CARD14: variants seen among roughly 807,000 people sequenced by gnomAD.
The protein encoded by CARD14 is caspase recruitment domain family member 14.
Under a neutral mutation model 111.5 loss-of-function variants are expected in CARD14, and 107 were observed. The observed-to-expected ratio is 0.96, with a 90% CI of 0.82 to 1.13. The LOEUF (loss-of-function observed/expected upper bound fraction) is 1.13, where lower values mean the gene tolerates loss of function less well. Among genes scored for constraint, CARD14 ranks in the 50% most tolerant of loss-of-function variants. The pLI, the probability that CARD14 is intolerant of heterozygous loss-of-function variation, is 0.00. For synonymous variants in CARD14, 617 were observed against 579.6 expected (o/e 1.06, Z -0.93); for missense variants, 1,322 against 1,362.3 (o/e 0.97, Z 0.47).
intron 20 of CARD14, chr17:80,204,816 G>A (rs1037456413): frequency 7.9e-6 from 4 of 508,314 alleles, no homozygotes; most frequent in African/African-American, 7.8e-5. Context: ...AGCAGTCCCT[G>A]GAGAGCCACA....
At chr17:80,183,052 G>A (rs2040223213) in intron 6 of CARD14, among the ~76,000 whole-genome samples, 1 of 152,212 alleles carries the variant, frequency 6.6e-6, no homozygotes, top group Non-Finnish European at 1.5e-5. Flanking sequence ...TGAGCGGTAG[G>A]GTGGGGAGAA....
chr17:80,202,761 C>T lies in CARD14; in HGVS notation c.2219+341C>T, dbSNP rs190128165. 1.3e-3 allele frequency: 510 copies of T among 383,706 alleles called. 3 individuals are homozygous for T. The highest frequency in any genetic ancestry group is 9.4e-3 in the African/African-American group (458 of 48,664). 23.8% of individuals were successfully genotyped at this position (383,706 alleles called of 1,614,324 possible). ...ATATAGAGCAGCATCCCTGGCCGCC[C>T]TACCCAGGATGCCGGGACTACTCCC... On this transcript the variant is annotated intron_variant, in intron 18 of 23. Coordinates refer to ENST00000648509, the MANE Select transcript of CARD14 (RefSeq NM_001366385.1).
Position 80,188,582 on chromosome 17 carries a change from C to T in CARD14, c.843+38C>T. On this transcript the variant is annotated intron_variant, in intron 8 of 23. Transcript: ENST00000648509. This position sits in a 1 kb window ranked among gnomAD's most constrained non-coding sequence, Gnocchi z 4.5. Reference sequence around the variant, plus strand: ...CCCCGCAGCAGAGAGCGGCCTCCTGCCTTGGGGGCTTGGCCCTCAGGCTGT... The same window carrying T: ...CCCCGCAGCAGAGAGCGGCCTCCTGTCTTGGGGGCTTGGCCCTCAGGCTGT... The T allele has an allele frequency of 1.4e-6, 2 of 1,419,998 alleles. No individual in the cohort carries two copies. Among genetic ancestry groups the T allele is most frequent in the African/African-American group, 1.5e-5 (1 of 68,128 alleles). 88.0% of individuals were successfully genotyped at this position (1,419,998 alleles called of 1,614,324 possible).
At chr17:80,181,054 C>T (rs1335746924) in intron 4 of CARD14, among the ~76,000 whole-genome samples, 3 of 150,154 alleles carry the variant, frequency 2.0e-5, no homozygotes, top group Non-Finnish European at 2.9e-5. Flanking sequence ...TGAGCCAATA[C>T]GCCTAGCCTA....
At position 80,195,390 on chromosome 17, in the gene CARD14, C is replaced by T; in HGVS notation, c.1499+57C>T. On this transcript the variant is annotated intron_variant, in intron 13 of 23. Coordinates refer to ENST00000648509, the MANE Select transcript of CARD14 (RefSeq NM_001366385.1). The surrounding 1 kb of genome is among the most constrained non-coding windows in gnomAD (Gnocchi z 4.7). ...GTGGCACTGGGGTCCTTCCTGGCAA[C>T]TCACCAGAGACACCAACCTAGACCT... 6.4e-7 allele frequency: 1 copy of T among 1,569,944 alleles called. No individual in the cohort carries two copies. Among genetic ancestry groups the T allele is most frequent in the Non-Finnish European group, 8.7e-7 (1 of 1,153,954 alleles).
chr17:80,191,375 A>G lies in CARD14; in HGVS notation c.1142A>G (p.Glu381Gly). The change falls in exon 11 of 24, where the codon GAG (glutamate) becomes GGG (glycine). Residue 381 changes from glutamate (E) to glycine (G), a missense_variant. By Grantham distance (98) the Glu-to-Gly change is moderately conservative. Coordinates refer to ENST00000648509, the MANE Select transcript of CARD14 (RefSeq NM_001366385.1). ...AQREISQSLV[E>G]KDSLRRQVFE... Reference sequence around the variant, plus strand: ...AGGGAGATTTCCCAGAGCCTGGTGGAGAAGGACTCCCTCCGCAGGCAGGTG... The same window carrying G: ...AGGGAGATTTCCCAGAGCCTGGTGGGGAAGGACTCCCTCCGCAGGCAGGTG... The G allele has an allele frequency of 6.2e-7, 1 of 1,613,928 alleles. No homozygotes were observed.
In CARD14 at chr17:80,198,831, CT is replaced by C; in HGVS notation, c.1851+243del. 8 of 1,460,578 alleles carry C rather than the reference CT, an allele frequency of 5.5e-6. No individual in the cohort carries two copies. The highest frequency in any genetic ancestry group is 7.2e-6 in the Non-Finnish European group (8 of 1,111,192). 90.5% of individuals were successfully genotyped at this position (1,460,578 alleles called of 1,614,324 possible). On this transcript the variant is annotated intron_variant, in intron 16 of 23. Coordinates refer to ENST00000648509, the MANE Select transcript of CARD14 (RefSeq NM_001366385.1). The surrounding 1 kb of genome is among the most constrained non-coding windows in gnomAD (Gnocchi z 7.5). ...CCATGCGGCGCTTCTGACCAGGGGT[CT>C]TTGCATGAGGCCCCTTGACAGGGCT... is the stretch of plus-strand genomic sequence containing the variant.
At chr17:80,187,809 AAGG>A (rs2040395269) in intron 7 of CARD14, 1 of 985,274 alleles carries the variant, frequency 1.0e-6, no homozygotes, top group Non-Finnish European at 1.2e-6. Flanking sequence ...TGTCCAGAGG[AAGG>A]AGGCCAGCAG....
intron 16 of CARD14, among the ~76,000 whole-genome samples, chr17:80,200,412 T>A (rs2040912608): frequency 6.6e-6 from 1 of 151,808 alleles, no homozygotes; most frequent in African/African-American, 2.4e-5. Flanking sequence ...AACTTTTGTA[T>A]TTTTAGTAGA....
intron 2 of CARD14, among the ~76,000 whole-genome samples, chr17:80,174,805 T>C (rs914489231): frequency 1.3e-5 from 2 of 151,848 alleles, no homozygotes; most frequent in African/African-American, 4.8e-5. Flanking sequence ...CTCTGGGGCG[T>C]TTTCTCTGAC....
rs376538051 is a variant in CARD14 at position 80,198,647 on chromosome 17, C to T, written c.1851+56C>T. ...GGGCTCCTCATGGGGACAGTGGCAG[C>T]GGGTGGGGTGACCCAGGCAGACTTC... On this transcript the variant is annotated intron_variant, in intron 16 of 23. Coordinates refer to ENST00000648509, the MANE Select transcript of CARD14 (RefSeq NM_001366385.1). This position sits in a 1 kb window ranked among gnomAD's most constrained non-coding sequence, Gnocchi z 7.5. 32 of 1,608,372 alleles carry T rather than the reference C, an allele frequency of 2.0e-5. No homozygotes were observed. The highest frequency in any genetic ancestry group is 1.7e-4 in the Admixed American group (10 of 59,906).
In CARD14 at chr17:80,198,811, C is replaced by G; in HGVS notation, c.1851+220C>G. On this transcript the variant is annotated intron_variant, in intron 16 of 23. Coordinates refer to ENST00000648509, the MANE Select transcript of CARD14 (RefSeq NM_001366385.1). The surrounding 1 kb of genome is among the most constrained non-coding windows in gnomAD (Gnocchi z 7.5). ...TGTCACCCGTGGTGCTGCTGCCATG[C>G]GGCGCTTCTGACCAGGGGTCTTTGC... The G allele has an allele frequency of 3.4e-6, 5 of 1,480,718 alleles. No homozygotes were observed. The highest frequency in any genetic ancestry group is 2.3e-5 in the Admixed American group (1 of 43,118). 91.7% of individuals were successfully genotyped at this position (1,480,718 alleles called of 1,614,324 possible).
chr17:80,196,687 T>A (rs1460367572), intron 14 of CARD14: 1 of 152,206 alleles, frequency 6.6e-6, no homozygotes, highest in Non-Finnish European at 1.5e-5. Context: ...GTTCGGGGGC[T>A]CACAGGCTGT....
At chr17:80,206,401 C>T (rs1337371903) in intron 22 of CARD14, among the ~76,000 whole-genome samples, 1 of 152,078 alleles carries the variant, frequency 6.6e-6, no homozygotes, top group Non-Finnish European at 1.5e-5. Context: ...ATTGCTTGAG[C>T]CCAGGAATTT....
In CARD14 at chr17:80,198,278, G is replaced by T; in HGVS notation, c.1658+116G>T. ...GAGGCAACAGCCTTTCCAAGCACAT[G>T]GGGCCATGGAGGGGGAGGAGAATTC... On this transcript the variant is annotated intron_variant, in intron 15 of 23. Transcript: ENST00000648509. This position sits in a 1 kb window ranked among gnomAD's most constrained non-coding sequence, Gnocchi z 7.5. 1 of 1,564,502 alleles carries T rather than the reference G, an allele frequency of 6.4e-7. No homozygotes were observed. Among genetic ancestry groups the T allele is most frequent in the South Asian group, 1.1e-5 (1 of 88,192 alleles).
At position 80,208,250 on chromosome 17, in the gene CARD14, G is replaced by A. The variant is rs767247623; in HGVS notation, c.2920G>A (p.Gly974Ser). 16 of 1,583,490 alleles carry A rather than the reference G, an allele frequency of 1.0e-5. No homozygotes were observed. The highest frequency in any genetic ancestry group is 4.6e-5 in the South Asian group (4 of 86,682). Residue 974 changes from glycine (G) to serine (S), a missense_variant, in exon 24 of 24, where the codon GGC becomes AGC. Coordinates refer to ENST00000648509, the MANE Select transcript of CARD14 (RefSeq NM_001366385.1). The part of the protein sequence containing the change: ...PCLYSSLAPD[G>S]WSDLDGLLSC... ...TCTATACAGCAGCCTGGCTCCTGAC[G>A]GCTGGAGCGACCTGGACGGCCTGCT... is the stretch of plus-strand genomic sequence containing the variant.
intron 22 of CARD14, 32 bp from the exon 23 acceptor site, chr17:80,206,938 C>A: frequency 6.5e-7 from 1 of 1,543,528 alleles, no homozygotes; most frequent in Non-Finnish European, 8.9e-7. Context: ...GGCCTGTGAT[C>A]TTGACTCACT....
In CARD14 at chr17:80,198,596, G is replaced by A. The variant is rs2040809169; in HGVS notation, c.1851+5G>A. On this transcript the variant is annotated splice_donor_5th_base_variant and intron_variant, in intron 16 of 23. Coordinates refer to ENST00000648509, the MANE Select transcript of CARD14 (RefSeq NM_001366385.1). This position sits in a 1 kb window ranked among gnomAD's most constrained non-coding sequence, Gnocchi z 7.5. ...CCGGGCACCCAGATTGTGATGGTGA[G>A]CCGTGCGAGGCCCCTCCTGTCCCCC... is the stretch of plus-strand genomic sequence containing the variant. The A allele has an allele frequency of 6.2e-7, 1 of 1,611,200 alleles. No homozygotes were observed. The highest frequency in any genetic ancestry group is 8.5e-7 in the Non-Finnish European group (1 of 1,179,212).
In CARD14 at chr17:80,195,487, G is replaced by A; in HGVS notation, c.1500-71G>A. On this transcript the variant is annotated intron_variant, in intron 13 of 23. Coordinates refer to ENST00000648509, the MANE Select transcript of CARD14 (RefSeq NM_001366385.1). This position sits in a 1 kb window ranked among gnomAD's most constrained non-coding sequence, Gnocchi z 4.7. The stretch of plus-strand genomic sequence containing the variant: ...CAGAGCTGGCAGGTGCTGGGGGCCA[G>A]TGCTTGGGGCGTGGGGACTCAGAGG... 6.5e-7 allele frequency: 1 copy of A among 1,529,070 alleles called. No homozygotes were observed. Among genetic ancestry groups the A allele is most frequent in the Non-Finnish European group, 8.8e-7 (1 of 1,130,728 alleles). 94.7% of individuals were successfully genotyped at this position (1,529,070 alleles called of 1,614,324 possible). A position where few individuals can be genotyped will look rare whatever the true frequency, so the allele number is the denominator to read the frequency against.
Sources: gnomAD v4.1 joint callset for allele counts (sites outside exome capture counted in the v4.1 genomes callset) on GRCh38, gnomAD v4.1.1 for gene constraint, Gnocchi (gnomAD v3.1) non-coding constraint, MANE v1.5 for transcripts, NCBI Gene and HGNC (gene_info 2026-07-23, HGNC 2026-07-21) for gene names.